PTPRD: variants seen among roughly 807,000 people sequenced by gnomAD.
The protein encoded by PTPRD is protein tyrosine phosphatase receptor type D.
Under a neutral mutation model 214.5 loss-of-function variants are expected in PTPRD, and 34 were observed. The observed-to-expected ratio is 0.16, with a 90% CI of 0.12 to 0.21. PTPRD has a LOEUF of 0.21. Among genes scored for constraint, PTPRD ranks in the 10% least tolerant of loss-of-function variants. The probability of loss-of-function intolerance (pLI) is 1.00; values close to 1 mark genes in which losing one functional copy is unlikely to be tolerated. For missense variants in PTPRD, 2,545 were observed against 2,398.7 expected, an observed-to-expected ratio of 1.06 and a Z score of -1.27; for synonymous variants, 1,128 against 845.7, an observed-to-expected ratio of 1.33 and a Z score of -5.79.
At position 8,435,120 on chromosome 9, in the gene PTPRD, C is replaced by T. The variant is rs764579280; in HGVS notation, c.4086+1472G>A. ...GCTGCAGTATGCAAACTGAATGAAACGTGGTCTGGCTCTTGAGGGTGGAGG... is the reference window on the plus strand; with the variant it reads ...GCTGCAGTATGCAAACTGAATGAAATGTGGTCTGGCTCTTGAGGGTGGAGG... On this transcript the variant is annotated intron_variant, in intron 35 of 45. Transcript: ENST00000381196. 8.5e-5 allele frequency among the ~76,000 whole-genome samples: 13 copies of T among 152,160 alleles called. No individual in the cohort carries two copies. The South Asian group carries it at 1.0e-3, about 12-fold the overall frequency.
intron 3 of PTPRD, among the ~76,000 whole-genome samples, chr9:10,170,852 A>C (rs934894046): frequency 6.6e-6 from 1 of 152,146 alleles, no homozygotes; most frequent in Non-Finnish European, 1.5e-5. Context: ...GACATTATGG[A>C]TGGGTAAACA....
intron 10 of PTPRD, among the ~76,000 whole-genome samples, chr9:9,094,598 C>A (rs1374105277): frequency 1.3e-5 from 2 of 151,902 alleles, no homozygotes; most frequent in Non-Finnish European, 2.9e-5. Flanking sequence ...GACAAGTGCA[C>A]CAAAATCTCA....
chr9:8,967,345 A>T (rs970050235), intron 11 of PTPRD, among the ~76,000 whole-genome samples: 1 of 152,156 alleles, frequency 6.6e-6, no homozygotes, highest in Non-Finnish European at 1.5e-5. Flanking sequence ...GAAAGAAATC[A>T]TCCTACCAAA....
chr9:9,682,426 G>T (rs563818353), intron 7 of PTPRD, among the ~76,000 whole-genome samples: 1 of 151,874 alleles, frequency 6.6e-6, no homozygotes, highest in Admixed American at 6.6e-5. Context: ...CTGGCTCTGG[G>T]TTTCAGAGAC....
At chr9:9,832,259 C>G (rs2055121845) in intron 5 of PTPRD, among the ~76,000 whole-genome samples, 1 of 151,872 alleles carries the variant, frequency 6.6e-6, no homozygotes, top group Non-Finnish European at 1.5e-5. Context: ...AGAGTATCTA[C>G]AATGAAGTAC....
At chr9:8,984,429 A>G (rs1246411497) in intron 11 of PTPRD, among the ~76,000 whole-genome samples, 4 of 152,108 alleles carry the variant, frequency 2.6e-5, no homozygotes, top group African/African-American at 9.7e-5. Context: ...ACATATATCA[A>G]TATAAAAAAA....
chr9:8,650,530 A>C (rs1455068951), intron 12 of PTPRD, among the ~76,000 whole-genome samples: 2 of 26,672 alleles, frequency 7.5e-5, no homozygotes, highest in African/African-American at 3.9e-4. Context: ...TCCGCCTCCA[A>C]AAAAAAAAAA....
chr9:9,203,857 T>C (rs1053792393), intron 9 of PTPRD, among the ~76,000 whole-genome samples: 1 of 152,292 alleles, frequency 6.6e-6, no homozygotes, highest in African/African-American at 2.4e-5. Context: ...TAGAGATGTG[T>C]TATAGAAAAG....
Position 10,563,783 on chromosome 9 carries a change from A to C in PTPRD, c.-600+48615T>G, listed in dbSNP as rs541216458. Among the ~76,000 whole-genome samples the C allele has an allele frequency of 5.7e-4, 86 of 152,124 alleles. 2 individuals are homozygous for C. In the South Asian group the frequency reaches 0.016, roughly 29 times the overall value. Reference sequence around the variant, plus strand: ...TTTGAACAAATTTTGATGTTGAGTAAAACAATTTTTGAAGTAACTGTATTA... The same window carrying C: ...TTTGAACAAATTTTGATGTTGAGTACAACAATTTTTGAAGTAACTGTATTA... On this transcript the variant is annotated intron_variant, in intron 2 of 45. Coordinates refer to ENST00000381196, the MANE Select transcript of PTPRD (RefSeq NM_002839.4).
At chr9:9,749,539 GATCA>G (rs1156326847) in intron 6 of PTPRD, among the ~76,000 whole-genome samples, 1 of 152,096 alleles carries the variant, frequency 6.6e-6, no homozygotes, top group Non-Finnish European at 1.5e-5. Flanking sequence ...ATTATTATCA[GATCA>G]ATCATTGTTT....
chr9:9,243,114 C>A (rs2099971218), intron 9 of PTPRD, among the ~76,000 whole-genome samples: 1 of 152,036 alleles, frequency 6.6e-6, no homozygotes, highest in Non-Finnish European at 1.5e-5. Flanking sequence ...AACACCAGAC[C>A]CTGTTTGCCT....
chr9:10,519,639 G>A (rs948315001), intron 2 of PTPRD, among the ~76,000 whole-genome samples: 1 of 151,990 alleles, frequency 6.6e-6, no homozygotes, highest in Non-Finnish European at 1.5e-5. Flanking sequence ...TCTGTATTGA[G>A]CAAGTCCATC....
Position 10,260,988 on chromosome 9 carries a change from G to GTA in PTPRD, c.-545+79973_-545+79974dup, listed in dbSNP as rs138277602. On this transcript the variant is annotated intron_variant, in intron 3 of 45. Coordinates refer to ENST00000381196, the MANE Select transcript of PTPRD (RefSeq NM_002839.4). ...TATATATATATGTGTGTATATATAT[G>GTA]TATATATATGTGTATATATGTATAT... 6.8e-5 allele frequency among the ~76,000 whole-genome samples: 10 copies of GTA among 146,582 alleles called. No homozygotes were observed. In the South Asian group the frequency reaches 1.9e-3, roughly 28 times the overall value.
At chr9:8,324,362 G>A (rs187016803) in intron 44 of PTPRD, among the ~76,000 whole-genome samples, 311 of 152,162 alleles carry the variant, frequency 2.0e-3, no homozygotes, top group African/African-American at 6.8e-3. Flanking sequence ...TTGATTTTCT[G>A]TTCCTGTGTT....
intron 5 of PTPRD, among the ~76,000 whole-genome samples, chr9:9,933,289 G>A (rs149268867): frequency 0.06 from 9,045 of 150,656 alleles, 175 homozygotes; most frequent in East Asian, 0.16. Context: ...TGGCAAATTG[G>A]ATAAAGAGTC....
Position 9,740,913 on chromosome 9 carries a change from G to T in PTPRD, c.-325-6342C>A, listed in dbSNP as rs567675642. On this transcript the variant is annotated intron_variant, in intron 6 of 45. Coordinates refer to ENST00000381196, the MANE Select transcript of PTPRD (RefSeq NM_002839.4). Reference sequence around the variant, plus strand: ...AATACCATATTCAACAACATAGATGGTAGTATATTCTATGTGGCTGAAGTC... The same window carrying T: ...AATACCATATTCAACAACATAGATGTTAGTATATTCTATGTGGCTGAAGTC... Among the ~76,000 whole-genome samples, 213 of 152,254 alleles carry T rather than the reference G, an allele frequency of 1.4e-3. 2 individuals are homozygous for T. The highest frequency in any genetic ancestry group is 4.7e-3 in the African/African-American group (194 of 41,556).
At chr9:8,378,286 T>C (rs1381022744) in intron 37 of PTPRD, among the ~76,000 whole-genome samples, 2 of 152,100 alleles carry the variant, frequency 1.3e-5, no homozygotes, top group East Asian at 3.9e-4. Context: ...AGGAGAATAC[T>C]GACGTAGAGT....
chr9:9,238,822 C>T (rs143092750), intron 9 of PTPRD, among the ~76,000 whole-genome samples: 246 of 152,220 alleles, frequency 1.6e-3, no homozygotes, highest in African/African-American at 5.5e-3. Context: ...TGAAAATCCA[C>T]GTATCTGATT....
chr9:9,313,845 T>C (rs184118486), intron 9 of PTPRD, among the ~76,000 whole-genome samples: 5 of 152,158 alleles, frequency 3.3e-5, no homozygotes, highest in Admixed American at 2.0e-4. Flanking sequence ...TTAATCCTCA[T>C]ACAAAATTTA....
Sources: gnomAD v4.1 joint callset for allele counts (sites outside exome capture counted in the v4.1 genomes callset) on GRCh38, gnomAD v4.1.1 for gene constraint, MANE v1.5 for transcripts, NCBI Gene and HGNC (gene_info 2026-07-23, HGNC 2026-07-21) for gene names.